DOT1L: variants seen among roughly 807,000 people sequenced by gnomAD.
The protein encoded by DOT1L is DOT1 like histone lysine methyltransferase, also known as histone-lysine N-methyltransferase, H3 lysine-79 specific.
A neutral mutation model predicts 153.3 loss-of-function variants in DOT1L; 33 were observed. That is an observed-to-expected ratio of 0.22 (90% CI 0.16 to 0.29). The LOEUF (loss-of-function observed/expected upper bound fraction) is 0.29. Among genes scored for constraint, DOT1L ranks in the 10% least tolerant of loss-of-function variants. The pLI is 1.00. For missense variants in DOT1L, 1,847 were observed against 2,119.9 expected (o/e 0.87, Z 2.53); for synonymous variants, 1,135 against 965.1 (o/e 1.18, Z -3.26).
chr19:2,225,040 C>A (rs1370806385), intron 25 of DOT1L, among the ~76,000 whole-genome samples: 2 of 152,150 alleles, frequency 1.3e-5, no homozygotes, highest in Non-Finnish European at 2.9e-5. Flanking sequence ...TGAGAGGGGC[C>A]GGGAGAGGGA....
At chr19:2,187,619 C>A (rs977257383) in intron 3 of DOT1L, among the ~76,000 whole-genome samples, 1 of 152,054 alleles carries the variant, frequency 6.6e-6, no homozygotes, top group African/African-American at 2.4e-5. Context: ...TTGAAGGCGG[C>A]GTGTAGAAGT....
chr19:2,204,549 G>A lies in DOT1L; in HGVS notation c.787+1770G>A, dbSNP rs1334261868. On this transcript the variant is annotated intron_variant, in intron 9 of 27. Transcript: ENST00000398665. This position sits in a 1 kb window ranked among gnomAD's most constrained non-coding sequence, Gnocchi z 5.7. ...CACCCCCTCCATGGTCCTCGTACCC[G>A]CTGCCCTAGAACGCCTCTTCTGGCT... Among the ~76,000 whole-genome samples, 2 of 152,148 alleles carry A rather than the reference G, an allele frequency of 1.3e-5. No individual in the cohort carries two copies. The highest frequency in any genetic ancestry group is 2.9e-5 in the Non-Finnish European group (2 of 68,020).
intron 1 of DOT1L, among the ~76,000 whole-genome samples, chr19:2,175,006 T>A (rs8112948): frequency 0.37 from 33,996 of 92,000 alleles, 4,796 homozygotes; most frequent in Middle Eastern, 0.52. Flanking sequence ...ATATATATAT[T>A]TTTTTTTTTT....
At chr19:2,171,958 C>G (rs1224409104) in intron 1 of DOT1L, among the ~76,000 whole-genome samples, 1 of 152,182 alleles carries the variant, frequency 6.6e-6, no homozygotes, top group Non-Finnish European at 1.5e-5. Flanking sequence ...GGCTCCACGT[C>G]CTTCCTGGTA....
At chr19:2,194,605 C>T in intron 7 of DOT1L, 28 bp downstream of exon 7, 10 of 1,605,360 alleles carry the variant, frequency 6.2e-6, no homozygotes, top group Non-Finnish European at 8.5e-6. Flanking sequence ...GCCCCGGCTC[C>T]CATCGCCGGC....
At chr19:2,165,316 C>A (rs1157038976) in intron 1 of DOT1L, among the ~76,000 whole-genome samples, 1 of 152,108 alleles carries the variant, frequency 6.6e-6, no homozygotes, top group African/African-American at 2.4e-5. Flanking sequence ...TTTTTGGAAA[C>A]GTGCTCGCTG....
intron 27 of DOT1L, chr19:2,227,911 C>T (rs1028211731): frequency 2.5e-5 from 30 of 1,201,764 alleles, no homozygotes; most frequent in African/African-American, 8.4e-5. Context: ...CCGCCCCCTC[C>T]GCCTCCGCCT....
intron 7 of DOT1L, among the ~76,000 whole-genome samples, chr19:2,196,298 T>C (rs2023017293): frequency 6.6e-6 from 1 of 152,232 alleles, no homozygotes; most frequent in Admixed American, 6.5e-5. Flanking sequence ...GATGAACCTT[T>C]TGGAGGATCA....
At chr19:2,202,979 T>A (rs1318947487) in intron 9 of DOT1L, among the ~76,000 whole-genome samples, 200 bp downstream of exon 9, 2 of 152,234 alleles carry the variant, frequency 1.3e-5, no homozygotes, top group Non-Finnish European at 2.9e-5. Flanking sequence ...TGGAGTGTAG[T>A]GGCACAATCT....
intron 22 of DOT1L, 112 bp downstream of exon 22, chr19:2,218,030 G>T: frequency 6.9e-7 from 1 of 1,444,694 alleles, no homozygotes. Context: ...TGTCGAGCGT[G>T]AGGCAATGCA....
At chr19:2,221,607 G>A (rs980462528) in intron 23 of DOT1L, 18 of 267,122 alleles carry the variant, frequency 6.7e-5, no homozygotes, top group Non-Finnish European at 1.1e-4. Flanking sequence ...GGGAGGCCAC[G>A]CAGCCATGGG....
In DOT1L at chr19:2,207,477, C is replaced by G; in HGVS notation, c.857-97C>G. On this transcript the variant is annotated intron_variant, in intron 10 of 27. Coordinates refer to ENST00000398665, the MANE Select transcript of DOT1L (RefSeq NM_032482.3). This position sits in a 1 kb window ranked among gnomAD's most constrained non-coding sequence, Gnocchi z 4.5. ...GGGAGAAGAGGGAAGACGCGCAGCT[C>G]AGGCTTCTGTCCCCACGCCTGCCCT... 1 of 1,029,834 alleles carries G rather than the reference C, an allele frequency of 9.7e-7. No homozygotes were observed. Among genetic ancestry groups the G allele is most frequent in the South Asian group, 1.5e-5 (1 of 66,642 alleles). The allele number at this position is 1,029,834 out of a possible 1,614,324, so 63.8% of individuals were successfully genotyped here.
chr19:2,223,225 T>G, intron 24 of DOT1L, 56 bp from the exon 25 acceptor site: 1 of 1,590,314 alleles, frequency 6.3e-7, no homozygotes, highest in South Asian at 1.1e-5. Context: ...GGGGCTCTCC[T>G]GCCTTGGGGT....
At chr19:2,203,735 A>G (rs907166914) in intron 9 of DOT1L, among the ~76,000 whole-genome samples, 8 of 152,226 alleles carry the variant, frequency 5.3e-5, no homozygotes, top group Middle Eastern at 3.4e-3. Flanking sequence ...TGAGCCTGCC[A>G]TTGTCTCCCA....
intron 22 of DOT1L, 124 bp from the exon 23 acceptor site, chr19:2,219,984 C>T (rs2024051057): frequency 1.2e-6 from 1 of 815,796 alleles, no homozygotes. Flanking sequence ...CCACGCGGTA[C>T]TGGACGGTGA....
In DOT1L at chr19:2,231,057, AGAG is replaced by A; in HGVS notation, c.*1269_*1271del. Reference sequence around the variant, plus strand: ...GGTGCCTGGGACTGGGTGTGGAAGGAGAGGAGCTGAGGCCGGGGTGTAGCAGGC... The same window carrying A: ...GGTGCCTGGGACTGGGTGTGGAAGGAGAGCTGAGGCCGGGGTGTAGCAGGC... On this transcript the variant is annotated 3_prime_UTR_variant, in exon 28 of 28. Transcript: ENST00000398665. The A allele has an allele frequency of 4.3e-6, 1 of 234,446 alleles. No individual in the cohort carries two copies. Among genetic ancestry groups the A allele is most frequent in the Non-Finnish European group, 8.4e-6 (1 of 119,190 alleles). 14.5% of individuals were successfully genotyped at this position (234,446 alleles called of 1,614,324 possible).
At chr19:2,178,916 C>T (rs1030557575) in intron 1 of DOT1L, among the ~76,000 whole-genome samples, 16 of 152,190 alleles carry the variant, frequency 1.1e-4, no homozygotes, top group Admixed American at 1.0e-3. Flanking sequence ...CACAGACTTT[C>T]TATGTGGCTT....
chr19:2,212,476 T>G (rs2023748989), intron 16 of DOT1L: 1 of 152,440 alleles, frequency 6.6e-6, no homozygotes. Context: ...GTGTTTTCTT[T>G]AGGGTTGTCC....
intron 25 of DOT1L, among the ~76,000 whole-genome samples, chr19:2,224,989 G>C (rs1568370221): frequency 6.6e-6 from 1 of 152,228 alleles, no homozygotes; most frequent in Non-Finnish European, 1.5e-5. Flanking sequence ...GTGCTGGCCT[G>C]CAATGCTGTG....
Sources: gnomAD v4.1 joint callset for allele counts (sites outside exome capture counted in the v4.1 genomes callset) on GRCh38, gnomAD v4.1.1 for gene constraint, Gnocchi (gnomAD v3.1) non-coding constraint, MANE v1.5 for transcripts, NCBI Gene and HGNC (gene_info 2026-07-23, HGNC 2026-07-21) for gene names.